The following FKBP1A variants were observed in gnomAD, a reference collection of about 807,000 sequenced individuals.
The protein encoded by FKBP1A is peptidyl-prolyl cis-trans isomerase FKBP1A.
Under a neutral mutation model 14.2 loss-of-function variants are expected in FKBP1A, and 5 were observed. That is an observed-to-expected ratio of 0.35 (90% confidence interval 0.18 to 0.74). The LOEUF (loss-of-function observed/expected upper bound fraction) is 0.74, where lower values mean the gene tolerates loss of function less well. Among genes scored for constraint, FKBP1A ranks in the 30% least tolerant of loss-of-function variants. The probability of loss-of-function intolerance (pLI) is 0.56; values close to 1 mark genes in which losing one functional copy is unlikely to be tolerated. For missense variants in FKBP1A, 53 were observed against 138.8 expected (o/e 0.38, Z 3.10); for synonymous variants, 42 against 49.1 (o/e 0.86, Z 0.60).
intron 2 of FKBP1A, among the ~76,000 whole-genome samples, chr20:1,387,811 C>T (rs1269497341): frequency 6.6e-6 from 1 of 152,106 alleles, no homozygotes; most frequent in East Asian, 1.9e-4. Flanking sequence ...CACTGCACTC[C>T]AGCCTGAGTG....
chr20:1,392,551 C>T (rs1047393343), intron 2 of FKBP1A, among the ~76,000 whole-genome samples: 1 of 152,184 alleles, frequency 6.6e-6, no homozygotes, highest in African/African-American at 2.4e-5. Flanking sequence ...CTCATCTGTG[C>T]AGCGGGCATA....
intron 3 of FKBP1A, chr20:1,375,268 T>C: frequency 1.7e-6 from 1 of 589,314 alleles, no homozygotes; most frequent in Admixed American, 3.2e-5. Flanking sequence ...CAAAACAGTA[T>C]GTGTGTGAAA....
Position 1,380,828 on chromosome 20 carries a change from AGAG to A in FKBP1A, c.86-5228_86-5226del, listed in dbSNP as rs1435959426. Among the ~76,000 whole-genome samples the A allele has an allele frequency of 3.3e-5, 5 of 152,352 alleles. No homozygotes were observed. The South Asian group carries it at 1.0e-3, about 32-fold the overall frequency. On this transcript the variant is annotated intron_variant, in intron 2 of 4. Transcript: ENST00000400137. ...AACTAACACAAATGTTAGAATTAGTAGAGGAGAACCATAAGACTCCAACTTTCA... is the reference window on the plus strand; with the variant it reads ...AACTAACACAAATGTTAGAATTAGTAGAGAACCATAAGACTCCAACTTTCA...
At chr20:1,383,882 G>C (rs535983884) in intron 2 of FKBP1A, among the ~76,000 whole-genome samples, 2 of 151,910 alleles carry the variant, frequency 1.3e-5, no homozygotes, top group East Asian at 1.9e-4. Flanking sequence ...GTGGAGGTAG[G>C]GGGAGCCAGT....
In FKBP1A at chr20:1,392,144, A is replaced by G. The variant is rs2089745384; in HGVS notation, c.85+690T>C. 2.0e-5 allele frequency among the ~76,000 whole-genome samples: 3 copies of G among 152,246 alleles called. No individual in the cohort carries two copies. The South Asian group carries it at 6.2e-4, about 31-fold the overall frequency. ...ACTTCTAGAAGAGCTGGGGGACTAAATTACACGTGCAGCTTTCGGTCAGCC... is the reference window on the plus strand; with the variant it reads ...ACTTCTAGAAGAGCTGGGGGACTAAGTTACACGTGCAGCTTTCGGTCAGCC... On this transcript the variant is annotated intron_variant, in intron 2 of 4. Transcript: ENST00000400137.
chr20:1,392,931 G>A (rs999819214), intron 1 of FKBP1A, 31 bp downstream of exon 1: 47 of 1,048,192 alleles, frequency 4.5e-5, no homozygotes, highest in Non-Finnish European at 6.2e-5. Context: ...GGCGGCAGAG[G>A]TACTCCGAGC....
At chr20:1,388,322 G>C (rs148218118) in intron 2 of FKBP1A, among the ~76,000 whole-genome samples, 1 of 152,284 alleles carries the variant, frequency 6.6e-6, no homozygotes, top group East Asian at 1.9e-4. Flanking sequence ...GAAGAAATCA[G>C]AGTTATTAAG....
Position 1,392,946 on chromosome 20 carries a change from G to GCCCCCCCC in FKBP1A, c.37+15_37+16insGGGGGGGG. 1.5e-6 allele frequency: 1 copy of GCCCCCCCC among 663,414 alleles called. No homozygotes were observed. Among genetic ancestry groups the GCCCCCCCC allele is most frequent in the Non-Finnish European group, 2.3e-6 (1 of 432,356 alleles). The allele number at this position is 663,414 out of a possible 1,614,324, so 41.1% of individuals were successfully genotyped here. On this transcript the variant is annotated intron_variant, in intron 1 of 4. Transcript: ENST00000400137. ...GGCGGCAGAGGTACTCCGAGCCGCC[G>GCCCCCCCC]CGCGCCACTACTCACCGTCTCCTGG...
At chr20:1,377,395 G>A (rs2089559699) in intron 2 of FKBP1A, 1 of 152,290 alleles carries the variant, frequency 6.6e-6, no homozygotes, top group Non-Finnish European at 1.5e-5. Flanking sequence ...GGGAGCTGAG[G>A]ACTAAGAGGT....
intron 2 of FKBP1A, among the ~76,000 whole-genome samples, chr20:1,389,527 C>T (rs1322984294): frequency 6.6e-6 from 1 of 152,162 alleles, no homozygotes; most frequent in Non-Finnish European, 1.5e-5. Context: ...CCACACCTGT[C>T]CCGGGAGCCT....
chr20:1,377,566 C>T (rs192919255), intron 2 of FKBP1A: 1 of 152,252 alleles, frequency 6.6e-6, no homozygotes, highest in East Asian at 1.9e-4. Flanking sequence ...TAAATGAGTA[C>T]CTGGGAGAAA....
intron 3 of FKBP1A, among the ~76,000 whole-genome samples, chr20:1,374,901 A>G (rs1428203666): frequency 1.3e-5 from 2 of 152,174 alleles, no homozygotes; most frequent in Non-Finnish European, 2.9e-5. Context: ...CAATGGCACA[A>G]TCTTGGCTCA....
In FKBP1A at chr20:1,379,938, G is replaced by A. The variant is rs2089598189; in HGVS notation, c.86-4335C>T. Among the ~76,000 whole-genome samples, 1 of 152,108 alleles carries A rather than the reference G, an allele frequency of 6.6e-6. No homozygotes were observed. The highest frequency in any genetic ancestry group is 2.1e-4 in the South Asian group (1 of 4,816). On this transcript the variant is annotated intron_variant, in intron 2 of 4. Transcript: ENST00000400137. The surrounding 1 kb of genome is among the most constrained non-coding windows in gnomAD (Gnocchi z 4.3). ...AGAAGGTGGAAGCAGTGTTTGTTAA[G>A]CTGGAATGAGTGTGCATGTGTAGGA...
At position 1,375,187 on chromosome 20, in the gene FKBP1A, G is replaced by A. The variant is rs556822503; in HGVS notation, c.198+304C>T. ...TGGAATTACAGGCATGAGCCACCGCGCCCAGCCTACTCCTCTTTTATGTAG... is the reference window on the plus strand; with the variant it reads ...TGGAATTACAGGCATGAGCCACCGCACCCAGCCTACTCCTCTTTTATGTAG... On this transcript the variant is annotated intron_variant, in intron 3 of 4. Coordinates refer to ENST00000400137, the MANE Select transcript of FKBP1A (RefSeq NM_000801.5). 1.0e-4 allele frequency: 55 copies of A among 525,292 alleles called. 2 individuals are homozygous for A. The South Asian group carries it at 1.5e-3, about 14-fold the overall frequency. 32.5% of individuals were successfully genotyped at this position (525,292 alleles called of 1,614,324 possible).
chr20:1,377,204 A>G (rs1055009994), intron 2 of FKBP1A: 5 of 152,258 alleles, frequency 3.3e-5, no homozygotes, highest in East Asian at 1.9e-4. Flanking sequence ...CAGTGTCAAC[A>G]TTTGTAAGTA....
chr20:1,391,277 C>T (rs1372986359), intron 2 of FKBP1A, among the ~76,000 whole-genome samples: 1 of 152,134 alleles, frequency 6.6e-6, no homozygotes, highest in Non-Finnish European at 1.5e-5. Flanking sequence ...GAATGAACTG[C>T]CCACTCACCC....
chr20:1,373,803 A>G (rs1417995846), intron 3 of FKBP1A, among the ~76,000 whole-genome samples: 1 of 152,178 alleles, frequency 6.6e-6, no homozygotes. Flanking sequence ...GGCTGGCATG[A>G]AAGATGGGGG....
At chr20:1,385,836 TCAAA>T (rs981920024) in intron 2 of FKBP1A, among the ~76,000 whole-genome samples, 4 of 152,240 alleles carry the variant, frequency 2.6e-5, no homozygotes, top group Admixed American at 6.5e-5. Context: ...ATGATCTTGC[TCAAA>T]CAGTCACATA....
intron 4 of FKBP1A, 193 bp downstream of exon 4, chr20:1,371,883 T>C: frequency 1.5e-6 from 2 of 1,310,264 alleles, no homozygotes; most frequent in Non-Finnish European, 1.9e-6. Context: ...TGCCAATTCC[T>C]TTCCTTAGGG....
Sources: gnomAD v4.1 joint callset for allele counts (sites outside exome capture counted in the v4.1 genomes callset) on GRCh38, gnomAD v4.1.1 for gene constraint, Gnocchi (gnomAD v3.1) non-coding constraint, MANE v1.5 for transcripts, NCBI Gene and HGNC (gene_info 2026-07-23, HGNC 2026-07-21) for gene names.